Variants in DRC9 observed in about 807,000 individuals in gnomAD.
DRC9 encodes the protein dynein regulatory complex protein 9.
chr3:197,946,867 G>T, the DRC9 span, among the ~76,000 whole-genome samples: 1 of 151,734 alleles, frequency 6.6e-6, no homozygotes, highest in Non-Finnish European at 1.5e-5. Context: ...TTCTTGCCTA[G>T]GCTGCAGTAC....
chr3:197,914,719 T>C, the DRC9 span, among the ~76,000 whole-genome samples: 3 of 151,876 alleles, frequency 2.0e-5, no homozygotes, highest in Non-Finnish European at 2.9e-5. Flanking sequence ...CTTCCAAAAA[T>C]TGTGCAAAAT....
the DRC9 span, chr3:197,956,343 T>C: frequency 6.3e-6 from 1 of 157,594 alleles, no homozygotes; most frequent in Admixed American, 6.1e-5. Flanking sequence ...TGGCAGTTCA[T>C]TTGGATAGAC....
the DRC9 span, chr3:197,926,113 A>G: frequency 9.7e-6 from 14 of 1,442,194 alleles, no homozygotes; most frequent in Non-Finnish European, 1.4e-5. Flanking sequence ...TCCCTAGAAG[A>G]TATAAGAATG....
the DRC9 span, among the ~76,000 whole-genome samples, chr3:197,935,731 C>T: frequency 1.3e-5 from 2 of 151,986 alleles, no homozygotes; most frequent in African/African-American, 2.4e-5. Context: ...ACTCCTCCCA[C>T]TTCAGCCTCC....
At chr3:197,891,325 GCTT>G in the DRC9 span, 14 of 586,436 alleles carry the variant, frequency 2.4e-5, no homozygotes, top group African/African-American at 9.5e-5. Flanking sequence ...AAAAGTCCAT[GCTT>G]CTTCTCAGAT....
the DRC9 span, among the ~76,000 whole-genome samples, chr3:197,910,417 A>T: frequency 6.6e-6 from 1 of 152,232 alleles, no homozygotes; most frequent in African/African-American, 2.4e-5. Flanking sequence ...CTCACTGATA[A>T]ATATCCAACA....
At chr3:197,912,788 G>A in the DRC9 span, 3 of 1,536,748 alleles carry the variant, frequency 2.0e-6, no homozygotes, top group South Asian at 1.1e-5. Context: ...CTTCCCCGCA[G>A]GGCTGGGAAT....
chr3:197,903,589 T>C, the DRC9 span, among the ~76,000 whole-genome samples: 3 of 152,104 alleles, frequency 2.0e-5, no homozygotes, highest in African/African-American at 4.8e-5. Flanking sequence ...TGAGCCAAGA[T>C]TGTGCCACTA....
the DRC9 span, chr3:197,913,686 A>G: frequency 4.5e-6 from 3 of 670,512 alleles, no homozygotes; most frequent in Non-Finnish European, 8.0e-6. Flanking sequence ...GATGGAGGCT[A>G]CAGCCCACTG....
the DRC9 span, chr3:197,951,654 C>G: frequency 1.7e-5 from 5 of 288,704 alleles, no homozygotes; most frequent in African/African-American, 8.7e-5. Context: ...CGCCTGGCCT[C>G]ATTATCCTAT....
At chr3:197,928,848 T>G in the DRC9 span, among the ~76,000 whole-genome samples, 6 of 152,138 alleles carry the variant, frequency 3.9e-5, no homozygotes, top group Admixed American at 2.0e-4. Flanking sequence ...GAAAACAGAA[T>G]AAAGCTACAG....
chr3:197,933,668 C>G, the DRC9 span, among the ~76,000 whole-genome samples: 7 of 152,036 alleles, frequency 4.6e-5, no homozygotes, highest in African/African-American at 1.4e-4. Flanking sequence ...TCTGAAGTCT[C>G]TAGTCCCAGT....
the DRC9 span, among the ~76,000 whole-genome samples, chr3:197,928,061 C>T: frequency 2.6e-5 from 4 of 152,114 alleles, no homozygotes; most frequent in Admixed American, 6.6e-5. Flanking sequence ...ACCTATGTAT[C>T]AAACCTGCAC....
chr3:197,913,329 C>T, the DRC9 span: 5 of 192,810 alleles, frequency 2.6e-5, no homozygotes, highest in African/African-American at 5.4e-5. Context: ...TGCGTGTGTG[C>T]GTGCGTGCGT....
chr3:197,958,452 G>A, the DRC9 span: 33 of 152,358 alleles, frequency 2.2e-4, no homozygotes, highest in African/African-American at 7.9e-4. Flanking sequence ...ATGGATAATG[G>A]TGCATTTACA....
At chr3:197,957,022 C>T in the DRC9 span, 2 of 152,132 alleles carry the variant, frequency 1.3e-5, no homozygotes, top group Non-Finnish European at 2.9e-5. Context: ...TATGGGTTCT[C>T]TTGTCTATGC....
the DRC9 span, among the ~76,000 whole-genome samples, chr3:197,907,955 G>A: frequency 2.0e-5 from 3 of 150,746 alleles, no homozygotes; most frequent in Non-Finnish European, 3.0e-5. Flanking sequence ...TCACAGGGGT[G>A]ACTGTACCAG....
the DRC9 span, among the ~76,000 whole-genome samples, chr3:197,925,725 G>A: frequency 1.6e-4 from 24 of 150,910 alleles, no homozygotes; most frequent in Non-Finnish European, 3.2e-4. Context: ...CTGGGATTAC[G>A]GGCACCTGCC....
At chr3:197,894,429 A>G in the DRC9 span, 1 of 152,216 alleles carries the variant, frequency 6.6e-6, no homozygotes, top group Non-Finnish European at 1.5e-5. Flanking sequence ...ATAAAGGCAA[A>G]AGAAGGTATA....
Sources: gnomAD v4.1 joint callset for allele counts (sites outside exome capture counted in the v4.1 genomes callset) on GRCh38, gnomAD v4.1.1 for gene constraint, MANE v1.5 for transcripts, NCBI Gene and HGNC (gene_info 2026-07-23, HGNC 2026-07-21) for gene names.